MDGA2: variants seen among roughly 807,000 people sequenced by gnomAD.
MDGA2 encodes MAM domain containing glycosylphosphatidylinositol anchor 2, also known as MAM domain-containing glycosylphosphatidylinositol anchor protein 2.
MDGA2 carries 40 observed loss-of-function variants against 117.8 expected under a neutral mutation model. That is an observed-to-expected ratio of 0.34 (90% CI 0.26 to 0.44). The LOEUF is 0.44. MDGA2 is among the 20% of genes least tolerant of loss of function. The pLI, the probability that MDGA2 is intolerant of heterozygous loss-of-function variation, is 1.00. For synonymous variants in MDGA2, 452 were observed against 439.0 expected (o/e 1.03, Z -0.37); for missense variants, 1,123 against 1,250.6 (o/e 0.90, Z 1.54).
At chr14:46,981,876 G>A (rs1416686614) in intron 8 of MDGA2, among the ~76,000 whole-genome samples, 1 of 152,150 alleles carries the variant, frequency 6.6e-6, no homozygotes, top group Non-Finnish European at 1.5e-5. Flanking sequence ...AAAAGATATG[G>A]ACTGGCCACA....
At chr14:46,999,040 C>T (rs1887405859) in intron 8 of MDGA2, among the ~76,000 whole-genome samples, 1 of 151,976 alleles carries the variant, frequency 6.6e-6, no homozygotes, top group African/African-American at 2.4e-5. Flanking sequence ...GAATGGAATA[C>T]AGTAGATGAA....
At chr14:47,219,491 G>A (rs564565746) in intron 2 of MDGA2, among the ~76,000 whole-genome samples, 2 of 152,068 alleles carry the variant, frequency 1.3e-5, no homozygotes, top group East Asian at 3.9e-4. Flanking sequence ...GTTTATAAAT[G>A]TATTACTGAC....
chr14:47,264,338 T>C (rs1887894912), intron 2 of MDGA2, among the ~76,000 whole-genome samples: 1 of 152,152 alleles, frequency 6.6e-6, no homozygotes. Context: ...AATTCATAAT[T>C]ATTTGCTCCA....
chr14:47,400,452 A>G (rs17118550), intron 1 of MDGA2, among the ~76,000 whole-genome samples: 24,190 of 152,004 alleles, frequency 0.16, 2,111 homozygotes, highest in Non-Finnish European at 0.17. Context: ...GCTCCGATTT[A>G]AAATCTACCA....
At chr14:47,440,991 C>CA (rs1413963326) in intron 1 of MDGA2, among the ~76,000 whole-genome samples, 1 of 152,060 alleles carries the variant, frequency 6.6e-6, no homozygotes, top group Non-Finnish European at 1.5e-5. Flanking sequence ...TCCATACCTT[C>CA]AGCTGTATTA....
intron 1 of MDGA2, among the ~76,000 whole-genome samples, chr14:47,467,710 G>A (rs1194941613): frequency 6.6e-6 from 1 of 152,108 alleles, no homozygotes; most frequent in African/African-American, 2.4e-5. Flanking sequence ...TCTGTAAAAT[G>A]AGGGATAAAT....
In MDGA2 at chr14:47,139,933, A is replaced by G. The variant is rs897290862; in HGVS notation, c.792+4145T>C. Among the ~76,000 whole-genome samples, 62 of 150,280 alleles carry G rather than the reference A, an allele frequency of 4.1e-4. 1 individual carries two copies. Among genetic ancestry groups the G allele is most frequent in the African/African-American group, 1.5e-3 (61 of 41,068 alleles). On this transcript the variant is annotated intron_variant, in intron 4 of 16. Transcript: ENST00000399232. ...ATGGAGAGAGGGAGAGAGAGGCATA[A>G]AAACACTAGCACAATAAGCAAAAGA...
At chr14:47,119,453 A>G (rs553952257) in intron 5 of MDGA2, among the ~76,000 whole-genome samples, 2 of 152,170 alleles carry the variant, frequency 1.3e-5, no homozygotes, top group Non-Finnish European at 2.9e-5. Flanking sequence ...TAAACACACA[A>G]TGTTTAGTGT....
intron 8 of MDGA2, among the ~76,000 whole-genome samples, chr14:46,958,383 A>C (rs973211592): frequency 1.3e-5 from 2 of 152,210 alleles, no homozygotes. Context: ...ATAAAGATGA[A>C]AAGAAAGAGA....
At chr14:47,050,168 C>T (rs1367254020) in intron 7 of MDGA2, among the ~76,000 whole-genome samples, 1 of 151,990 alleles carries the variant, frequency 6.6e-6, no homozygotes, top group Non-Finnish European at 1.5e-5. Context: ...GGTTCTTCAG[C>T]CAGAATTCAC....
intron 2 of MDGA2, among the ~76,000 whole-genome samples, chr14:47,240,227 T>C (rs893319020): frequency 6.6e-6 from 1 of 151,612 alleles, no homozygotes; most frequent in Non-Finnish European, 1.5e-5. Flanking sequence ...GTATTTTTAG[T>C]AGAGATGGGG....
At chr14:47,100,293 C>T (rs1050889671) in intron 5 of MDGA2, among the ~76,000 whole-genome samples, 2 of 152,106 alleles carry the variant, frequency 1.3e-5, no homozygotes, top group African/African-American at 4.8e-5. Context: ...TTCACAATGT[C>T]CTGAAACTGC....
chr14:47,245,644 T>C (rs1312394061), intron 2 of MDGA2, among the ~76,000 whole-genome samples: 1 of 151,834 alleles, frequency 6.6e-6, no homozygotes, highest in Non-Finnish European at 1.5e-5. Flanking sequence ...AGACATACTT[T>C]AAGTGAAAAA....
At chr14:46,941,114 C>T (rs1468022764) in intron 9 of MDGA2, among the ~76,000 whole-genome samples, 4 of 152,154 alleles carry the variant, frequency 2.6e-5, no homozygotes, top group Non-Finnish European at 2.9e-5. Flanking sequence ...CTCTTATCAC[C>T]TTGCAAGGAA....
At chr14:47,284,147 A>T (rs2139747944) in intron 2 of MDGA2, among the ~76,000 whole-genome samples, 1 of 152,304 alleles carries the variant, frequency 6.6e-6, no homozygotes, top group South Asian at 2.1e-4. Context: ...TTTTTCTAAT[A>T]AAATATAAGA....
chr14:46,890,173 T>A (rs1291154280), intron 10 of MDGA2, among the ~76,000 whole-genome samples: 1 of 152,080 alleles, frequency 6.6e-6, no homozygotes, highest in Non-Finnish European at 1.5e-5. Flanking sequence ...ATTTAAATAC[T>A]AGGTTTTCAA....
intron 2 of MDGA2, among the ~76,000 whole-genome samples, chr14:47,300,681 T>G (rs906468431): frequency 6.7e-6 from 1 of 149,034 alleles, no homozygotes; most frequent in Admixed American, 6.7e-5. Flanking sequence ...TTTTTTTTTG[T>G]AGAGACACAG....
At chr14:47,402,133 C>T (rs1054894315) in intron 1 of MDGA2, among the ~76,000 whole-genome samples, 3 of 152,102 alleles carry the variant, frequency 2.0e-5, no homozygotes, top group Non-Finnish European at 2.9e-5. Context: ...TGCCTATATT[C>T]GTAGCTCTGT....
At chr14:47,019,309 AAAC>A (rs1395914224) in intron 8 of MDGA2, among the ~76,000 whole-genome samples, 1 of 152,186 alleles carries the variant, frequency 6.6e-6, no homozygotes, top group Non-Finnish European at 1.5e-5. Flanking sequence ...TAAGTACACA[AAAC>A]AATAATAATG....
Sources: allele counts gnomAD v4.1 joint callset (sites outside exome capture counted in the v4.1 genomes callset), GRCh38; gene constraint gnomAD v4.1.1; transcripts MANE v1.5; gene names NCBI Gene and HGNC (gene_info 2026-07-23, HGNC 2026-07-21).